The following ETS1 variants were observed in gnomAD, a reference collection of about 807,000 sequenced individuals.
ETS1 encodes protein C-ets-1.
Under a neutral mutation model 58.6 loss-of-function variants are expected in ETS1, and 15 were observed. The observed-to-expected ratio is 0.26, with a 90% CI of 0.17 to 0.39. The LOEUF (loss-of-function observed/expected upper bound fraction) is 0.39. ETS1 is among the 10% of genes least tolerant of loss of function. The pLI, the probability that ETS1 is intolerant of heterozygous loss-of-function variation, is 1.00. For synonymous variants in ETS1, 214 were observed against 218.2 expected (o/e 0.98, Z 0.17); for missense variants, 417 against 610.5 (o/e 0.68, Z 3.34).
intron 2 of ETS1, among the ~76,000 whole-genome samples, chr11:128,562,875 T>C (rs1864426180): frequency 6.6e-6 from 1 of 151,630 alleles, no homozygotes; most frequent in Admixed American, 6.6e-5. Flanking sequence ...AACTGCCTAT[T>C]CACCTGTCCC....
intron 3 of ETS1, among the ~76,000 whole-genome samples, chr11:128,531,373 C>A (rs1463848277): frequency 2.6e-5 from 4 of 152,166 alleles, no homozygotes; most frequent in Admixed American, 6.5e-5. Flanking sequence ...ACTCAGTAAC[C>A]CTTCACTGCT....
chr11:128,471,902 C>A (rs1286017125), intron 8 of ETS1, among the ~76,000 whole-genome samples: 1 of 152,086 alleles, frequency 6.6e-6, no homozygotes, highest in African/African-American at 2.4e-5. Context: ...TTAAGTTTTC[C>A]CTGCATGTCA....
At chr11:128,585,017 AAAG>A (rs1172211514) in intron 1 of ETS1, among the ~76,000 whole-genome samples, 738 of 28,118 alleles carry the variant, frequency 0.026, 128 homozygotes, top group African/African-American at 0.036. Flanking sequence ...GAAAGGAAAG[AAAG>A]AAGAAAGAAA....
intron 3 of ETS1, among the ~76,000 whole-genome samples, chr11:128,510,914 C>T (rs1326328635): frequency 1.3e-5 from 2 of 152,162 alleles, no homozygotes; most frequent in East Asian, 1.9e-4. Context: ...GAGGGGCTTA[C>T]GTTTTTTGGT....
chr11:128,528,898 A>AT (rs1336759355), intron 3 of ETS1: 4 of 152,124 alleles, frequency 2.6e-5, no homozygotes, highest in East Asian at 1.9e-4. Flanking sequence ...TTTTTATCTA[A>AT]TTTTTTATTC....
intron 4 of ETS1, 84 bp downstream of exon 4, chr11:128,490,373 C>A: frequency 6.9e-7 from 1 of 1,441,312 alleles, no homozygotes; most frequent in South Asian, 1.2e-5. Flanking sequence ...AGTGTAACGT[C>A]TGCCTCACAC....
At chr11:128,487,318 CT>C (rs1291566789) in intron 5 of ETS1, among the ~76,000 whole-genome samples, 1 of 152,230 alleles carries the variant, frequency 6.6e-6, no homozygotes, top group Non-Finnish European at 1.5e-5. Flanking sequence ...TCCTAATTCT[CT>C]TAAATTTTCT....
intron 1 of ETS1, among the ~76,000 whole-genome samples, chr11:128,583,962 T>A (rs6590337): frequency 0.34 from 52,368 of 152,092 alleles, 9,760 homozygotes; most frequent in Non-Finnish European, 0.42. Context: ...CCAAAGCATG[T>A]ATAGGTTATA....
At chr11:128,586,131 G>C (rs1432939882) in intron 1 of ETS1, among the ~76,000 whole-genome samples, 2 of 152,242 alleles carry the variant, frequency 1.3e-5, no homozygotes, top group Non-Finnish European at 2.9e-5. Flanking sequence ...AGCGGAACCA[G>C]GACGGAAGAG....
intron 3 of ETS1, among the ~76,000 whole-genome samples, chr11:128,515,370 A>T (rs1863496758): frequency 6.6e-6 from 1 of 152,118 alleles, no homozygotes; most frequent in African/African-American, 2.4e-5. Context: ...AGCTACCAAG[A>T]GGTTTCAAAT....
intron 3 of ETS1, among the ~76,000 whole-genome samples, chr11:128,507,729 T>G (rs1479841158): frequency 1.3e-5 from 2 of 152,198 alleles, no homozygotes; most frequent in African/African-American, 4.8e-5. Context: ...GTCTTGAATC[T>G]TATTATCTTC....
Position 128,549,471 on chromosome 11 carries a change from G to A in ETS1, c.214+6820C>T, listed in dbSNP as rs556130738. On this transcript the variant is annotated intron_variant, in intron 3 of 9. Transcript: ENST00000392668. The surrounding 1 kb of genome is among the most constrained non-coding windows in gnomAD (Gnocchi z 4.3). The stretch of plus-strand genomic sequence containing the variant: ...AATCGCATAAGAACCCGGTGCCCCA[G>A]GGACCTTTTCCCAACTCGGACCAAA... 2.6e-5 allele frequency among the ~76,000 whole-genome samples: 4 copies of A among 152,218 alleles called. No homozygotes were observed. Among genetic ancestry groups the A allele is most frequent in the Non-Finnish European group, 5.9e-5 (4 of 68,046 alleles).
chr11:128,578,498 T>A (rs1864797716), intron 1 of ETS1, among the ~76,000 whole-genome samples: 1 of 152,194 alleles, frequency 6.6e-6, no homozygotes, highest in Admixed American at 6.5e-5. Context: ...AACAAAATTC[T>A]TTTGAAATCA....
At chr11:128,495,744 C>T (rs1862921689) in intron 3 of ETS1, among the ~76,000 whole-genome samples, 1 of 152,162 alleles carries the variant, frequency 6.6e-6, no homozygotes. Context: ...GAGGGGCGTG[C>T]ATTGTTGATA....
intron 3 of ETS1, among the ~76,000 whole-genome samples, chr11:128,494,224 A>G (rs528103404): frequency 2.0e-5 from 3 of 152,354 alleles, no homozygotes; most frequent in Non-Finnish European, 4.4e-5. Context: ...CACTACGCCA[A>G]CACAGTGGAG....
chr11:128,478,609 C>A (rs1163505204), intron 8 of ETS1, among the ~76,000 whole-genome samples: 1 of 152,198 alleles, frequency 6.6e-6, no homozygotes, highest in African/African-American at 2.4e-5. Flanking sequence ...ATGTCTACCT[C>A]CCAAGGCCAC....
rs1565405952 is a variant in ETS1 at position 128,549,470 on chromosome 11, A to T, written c.214+6821T>A. 2.0e-5 allele frequency among the ~76,000 whole-genome samples: 3 copies of T among 152,232 alleles called. No homozygotes were observed. Among genetic ancestry groups the T allele is most frequent in the African/African-American group, 4.8e-5 (2 of 41,470 alleles). On this transcript the variant is annotated intron_variant, in intron 3 of 9. Coordinates refer to ENST00000392668, the MANE Select transcript of ETS1 (RefSeq NM_001143820.2). This position sits in a 1 kb window ranked among gnomAD's most constrained non-coding sequence, Gnocchi z 4.3. ...GAATCGCATAAGAACCCGGTGCCCC[A>T]GGGACCTTTTCCCAACTCGGACCAA...
intron 2 of ETS1, 93 bp from the exon 3 acceptor site, chr11:128,556,528 G>GT: frequency 1.2e-6 from 1 of 809,782 alleles, no homozygotes; most frequent in Non-Finnish European, 1.9e-6. Context: ...CCAATCACAT[G>GT]TAAGTAAGAA....
rs1864539108 is a variant in ETS1 at position 128,567,944 on chromosome 11, A to G, written c.69+5118T>C. The stretch of plus-strand genomic sequence containing the variant: ...CCACCGCGGCCAGCCAAGAGTGAGG[A>G]GTTTTTAATACAGTTACTTCACCCT... On this transcript the variant is annotated intron_variant, in intron 2 of 9. Coordinates refer to ENST00000392668, the MANE Select transcript of ETS1 (RefSeq NM_001143820.2). Among the ~76,000 whole-genome samples, 3 of 152,180 alleles carry G rather than the reference A, an allele frequency of 2.0e-5. No individual in the cohort carries two copies. The South Asian group carries it at 6.2e-4, about 32-fold the overall frequency.
Sources: gnomAD v4.1 joint callset for allele counts (sites outside exome capture counted in the v4.1 genomes callset) on GRCh38, gnomAD v4.1.1 for gene constraint, Gnocchi (gnomAD v3.1) non-coding constraint, MANE v1.5 for transcripts, NCBI Gene and HGNC (gene_info 2026-07-23, HGNC 2026-07-21) for gene names.